Variants in GSR observed in about 807,000 individuals in gnomAD.
GSR encodes the protein glutathione-disulfide reductase.
A neutral mutation model predicts 56.5 loss-of-function variants in GSR; 48 were observed. The ratio of observed to expected loss-of-function variants is 0.85; its 90% CI spans 0.67 to 1.08. The LOEUF (loss-of-function observed/expected upper bound fraction) is 1.08, where lower values mean the gene tolerates loss of function less well. GSR is among the 50% of genes least tolerant of loss of function. GSR has a pLI of 0.00. For synonymous variants in GSR, 264 were observed against 270.8 expected (o/e 0.97, Z 0.25); for missense variants, 694 against 703.3 (o/e 0.99, Z 0.15).
At chr8:30,717,295 G>A (rs1017154297) in intron 1 of GSR, among the ~76,000 whole-genome samples, 1 of 151,972 alleles carries the variant, frequency 6.6e-6, no homozygotes, top group African/African-American at 2.4e-5. Flanking sequence ...ACTATGTTGC[G>A]CAGGCTGGTC....
rs1382272614 is a variant in GSR at position 30,678,085 on chromosome 8, T to C, written c.*1435A>G. The C allele has an allele frequency of 6.6e-6, 1 of 152,064 alleles. No individual in the cohort carries two copies. Among genetic ancestry groups the C allele is most frequent in the Non-Finnish European group, 1.5e-5 (1 of 68,008 alleles). 9.4% of individuals were successfully genotyped at this position (152,064 alleles called of 1,614,324 possible). On this transcript the variant is annotated 3_prime_UTR_variant, in exon 13 of 13. Transcript: ENST00000221130. ...ATTTTATAAGAAGAAAAGGCTGTAA[T>C]TTTATTTTCAAATTTTTGGAAGTTT...
intron 1 of GSR, among the ~76,000 whole-genome samples, chr8:30,713,371 T>C (rs1802770275): frequency 6.6e-6 from 1 of 151,818 alleles, no homozygotes; most frequent in South Asian, 2.1e-4. Context: ...TGGTTGTTTT[T>C]TTTTTGAGAC....
intron 8 of GSR, among the ~76,000 whole-genome samples, chr8:30,689,771 C>CAT (rs564649025): frequency 7.3e-5 from 10 of 137,584 alleles, no homozygotes; most frequent in Admixed American, 2.3e-4. Context: ...TACACACACA[C>CAT]ATATATATAT....
At chr8:30,681,519 T>C (rs1437449949) in intron 11 of GSR, among the ~76,000 whole-genome samples, 2 of 151,334 alleles carry the variant, frequency 1.3e-5, no homozygotes, top group Admixed American at 6.6e-5. Flanking sequence ...TGGGAGAGCT[T>C]GTCTCAAAAA....
Position 30,679,379 on chromosome 8 carries a change from T to G in GSR, c.*141A>C. ...CTAACTCCATAAATAAGTTCTATTATGTACTAAAAATTTCCACTATCAGAA... is the reference window on the plus strand; with the variant it reads ...CTAACTCCATAAATAAGTTCTATTAGGTACTAAAAATTTCCACTATCAGAA... On this transcript the variant is annotated 3_prime_UTR_variant, in exon 13 of 13. Coordinates refer to ENST00000221130, the MANE Select transcript of GSR (RefSeq NM_000637.5). 3.8e-6 allele frequency: 3 copies of G among 782,408 alleles called. No homozygotes were observed. The highest frequency in any genetic ancestry group is 6.5e-6 in the Non-Finnish European group (3 of 459,650). The allele number at this position is 782,408 out of a possible 1,614,324, so 48.5% of individuals were successfully genotyped here.
chr8:30,709,589 G>C (rs1355619764), intron 3 of GSR, among the ~76,000 whole-genome samples: 1 of 152,094 alleles, frequency 6.6e-6, no homozygotes, highest in Non-Finnish European at 1.5e-5. Context: ...TTTCTGTTTG[G>C]GATAGCAGAA....
intron 5 of GSR, 144 bp from the exon 6 acceptor site, chr8:30,700,279 A>G: frequency 1.4e-6 from 1 of 710,314 alleles, no homozygotes; most frequent in Non-Finnish European, 2.6e-6. Context: ...TCTGCTTGGA[A>G]AGCTGCCAAC....
Position 30,709,872 on chromosome 8 carries a change from A to G in GSR, c.364T>C (p.Phe122Leu). Residue 122 changes from phenylalanine to leucine, a missense_variant, in exon 3 of 13, where the codon TTC (phenylalanine) becomes CTC (leucine). Coordinates refer to ENST00000221130, the MANE Select transcript of GSR (RefSeq NM_000637.5). The stretch of plus-strand genomic sequence containing the variant: ...CCATAATCAGCATGATCATGCATGA[A>G]TTCAGAGTGGACAGCTGTGTTCCAC... ...VMWNTAVHSE[F>L]MHDHADYGFP... 1 of 1,563,280 alleles carries G rather than the reference A, an allele frequency of 6.4e-7. No homozygotes were observed. The highest frequency in any genetic ancestry group is 8.8e-7 in the Non-Finnish European group (1 of 1,135,436).
chr8:30,697,628 T>C (rs1291795647), intron 6 of GSR, among the ~76,000 whole-genome samples: 1 of 152,148 alleles, frequency 6.6e-6, no homozygotes, highest in East Asian at 1.9e-4. Flanking sequence ...AGACCCTATC[T>C]CAAAAGAAAA....
At chr8:30,694,236 G>A (rs1382184034) in intron 7 of GSR, among the ~76,000 whole-genome samples, 1 of 152,078 alleles carries the variant, frequency 6.6e-6, no homozygotes, top group Non-Finnish European at 1.5e-5. Flanking sequence ...ATAAGAATTA[G>A]AATCATAGCA....
chr8:30,692,833 T>C (rs892475058), intron 8 of GSR, 136 bp downstream of exon 8: 1 of 707,874 alleles, frequency 1.4e-6, no homozygotes, highest in African/African-American at 1.7e-5. Context: ...AAGGAAATAA[T>C]AGGGAGTACC....
Position 30,679,149 on chromosome 8 carries a change from C to CAAAA in GSR, c.*367_*370dup, listed in dbSNP as rs35555269. Reference sequence around the variant, plus strand: ...GGGCAATGAGAGCAAAACTCTGTCTCAAAAAAAAAAAAAAAAAAAGTAGCA... The same window carrying CAAAA: ...GGGCAATGAGAGCAAAACTCTGTCTCAAAAAAAAAAAAAAAAAAAAAAAGTAGCA... On this transcript the variant is annotated 3_prime_UTR_variant, in exon 13 of 13. Coordinates refer to ENST00000221130, the MANE Select transcript of GSR (RefSeq NM_000637.5). The CAAAA allele has an allele frequency of 1.0e-4, 11 of 108,904 alleles. No individual in the cohort carries two copies. The highest frequency in any genetic ancestry group is 2.5e-4 in the South Asian group (2 of 7,870). The allele number at this position is 108,904 out of a possible 1,614,324, so 6.7% of individuals were successfully genotyped here. A position where few individuals can be genotyped will look rare whatever the true frequency, so the allele number is the denominator to read the frequency against.
At chr8:30,700,183 T>A (rs753286474) in intron 5 of GSR, 48 bp from the exon 6 acceptor site, 1 of 1,288,732 alleles carries the variant, frequency 7.8e-7, no homozygotes, top group Non-Finnish European at 1.1e-6. Flanking sequence ...CTCTTTCTCT[T>A]GCAAAGTAAT....
intron 1 of GSR, among the ~76,000 whole-genome samples, chr8:30,723,652 C>T (rs1804625723): frequency 6.6e-6 from 1 of 151,848 alleles, no homozygotes; most frequent in African/African-American, 2.4e-5. Flanking sequence ...ATTTGCCAGG[C>T]GTGGTGGCCT....
In GSR at chr8:30,693,040, C is replaced by A; in HGVS notation, c.811G>T (p.Asp271Tyr). The change falls in exon 8 of 13, where the codon GAT (aspartate) becomes TAT (tyrosine). Residue 271 changes from aspartate (D) to tyrosine (Y), a missense_variant. Asp to Tyr is a radical substitution (Grantham distance 160). Coordinates refer to ENST00000221130, the MANE Select transcript of GSR (RefSeq NM_000637.5). ...GTGCAGTTGGTGCTGATCATTGAAT[C>A]AAAACTTCTAAGTACCTGCATATCA... is the stretch of plus-strand genomic sequence containing the variant. ...IRHDKVLRSF[D>Y]SMISTNCTEE... 6.2e-7 allele frequency: 1 copy of A among 1,609,458 alleles called. No individual in the cohort carries two copies. Among genetic ancestry groups the A allele is most frequent in the South Asian group, 1.1e-5 (1 of 90,978 alleles).
intron 4 of GSR, among the ~76,000 whole-genome samples, chr8:30,704,214 G>C (rs1206474670): frequency 6.6e-6 from 1 of 151,974 alleles, no homozygotes; most frequent in Non-Finnish European, 1.5e-5. Flanking sequence ...AATCCCAGCT[G>C]CTCAGGAGGC....
intron 1 of GSR, among the ~76,000 whole-genome samples, chr8:30,712,553 G>A (rs12543353): frequency 0.062 from 9,397 of 152,100 alleles, 351 homozygotes; most frequent in South Asian, 0.17. Flanking sequence ...GCATGCCTGT[G>A]GTCCCAGCTA....
intron 1 of GSR, among the ~76,000 whole-genome samples, chr8:30,726,693 T>C (rs1804736670): frequency 6.6e-6 from 1 of 152,080 alleles, no homozygotes; most frequent in African/African-American, 2.4e-5. Context: ...GCCCGGGAGT[T>C]CGAGGCTGCA....
chr8:30,727,387 C>G, intron 1 of GSR, 143 bp downstream of exon 1: 2 of 821,032 alleles, frequency 2.4e-6, no homozygotes, highest in Non-Finnish European at 3.7e-6. Context: ...GGGTTCCTGG[C>G]TTCGGAATGG....
Sources: gnomAD v4.1 joint callset for allele counts (sites outside exome capture counted in the v4.1 genomes callset) on GRCh38, gnomAD v4.1.1 for gene constraint, MANE v1.5 for transcripts, NCBI Gene and HGNC (gene_info 2026-07-23, HGNC 2026-07-21) for gene names.